Variants in CEP128 observed in about 807,000 individuals in gnomAD.
CEP128 encodes centrosomal protein 128kDa.
Under a neutral mutation model 156.7 loss-of-function variants are expected in CEP128, and 132 were observed. The observed-to-expected ratio is 0.84, with a 90% CI of 0.73 to 0.97. CEP128 has a LOEUF of 0.97. Ranked by LOEUF, CEP128 falls within the 50% of genes least tolerant of loss-of-function variation. CEP128 has a pLI of 0.00. For synonymous variants in CEP128, 469 were observed against 448.9 expected (o/e 1.04, Z -0.57); for missense variants, 1,252 against 1,281.9 (o/e 0.98, Z 0.36).
chr14:80,512,233 C>T (rs979432438), intron 23 of CEP128, among the ~76,000 whole-genome samples: 5 of 151,940 alleles, frequency 3.3e-5, no homozygotes, highest in Admixed American at 1.3e-4. Flanking sequence ...ATAATATTGG[C>T]TTTATATATC....
chr14:80,938,919 A>G (rs1885990439), intron 2 of CEP128, among the ~76,000 whole-genome samples: 1 of 152,242 alleles, frequency 6.6e-6, no homozygotes, highest in African/African-American at 2.4e-5. Context: ...GAGGGCACTT[A>G]TAAACAGCAA....
intron 19 of CEP128, among the ~76,000 whole-genome samples, chr14:80,703,027 G>A (rs1897126673): frequency 6.6e-6 from 1 of 152,038 alleles, no homozygotes; most frequent in African/African-American, 2.4e-5. Context: ...TAAATTTGGA[G>A]AGAATGGAAC....
chr14:80,665,030 T>C (rs1181233382), intron 19 of CEP128, among the ~76,000 whole-genome samples: 3 of 152,228 alleles, frequency 2.0e-5, no homozygotes, highest in Non-Finnish European at 4.4e-5. Context: ...ACTTTAATTA[T>C]TAAACATTCT....
chr14:80,825,883 G>A (rs770144430), intron 13 of CEP128, among the ~76,000 whole-genome samples: 42 of 152,154 alleles, frequency 2.8e-4, no homozygotes, highest in Middle Eastern at 3.4e-3. Flanking sequence ...CAAGACGGGC[G>A]GATCATGAGG....
intron 19 of CEP128, among the ~76,000 whole-genome samples, chr14:80,657,019 G>A (rs372680316): frequency 6.6e-6 from 1 of 152,124 alleles, no homozygotes; most frequent in East Asian, 1.9e-4. Flanking sequence ...CAGCACTTTG[G>A]GAAGCCAAGG....
intron 13 of CEP128, among the ~76,000 whole-genome samples, chr14:80,814,324 T>C (rs1884725766): frequency 6.6e-6 from 1 of 152,150 alleles, no homozygotes; most frequent in South Asian, 2.1e-4. Flanking sequence ...CATATATCTC[T>C]TATGAACTTT....
At chr14:80,832,183 G>T (rs377462098) in intron 12 of CEP128, among the ~76,000 whole-genome samples, 1 of 152,116 alleles carries the variant, frequency 6.6e-6, no homozygotes, top group Non-Finnish European at 1.5e-5. Context: ...CTCCAGCCAC[G>T]TGGAACTGTG....
At chr14:80,591,942 AG>A (rs1217054413) in intron 19 of CEP128, among the ~76,000 whole-genome samples, 3 of 152,274 alleles carry the variant, frequency 2.0e-5, no homozygotes, top group African/African-American at 7.2e-5. Flanking sequence ...GAAATAAAAA[AG>A]TTGTTTGAAA....
chr14:80,915,494 T>C (rs1246281782), intron 3 of CEP128, among the ~76,000 whole-genome samples: 1 of 152,236 alleles, frequency 6.6e-6, no homozygotes, highest in Non-Finnish European at 1.5e-5. Flanking sequence ...GATTAATGCG[T>C]AGGAAATACC....
At chr14:80,629,975 G>A (rs945521812) in intron 19 of CEP128, among the ~76,000 whole-genome samples, 1 of 151,932 alleles carries the variant, frequency 6.6e-6, no homozygotes, top group African/African-American at 2.4e-5. Flanking sequence ...ATGAATTCAT[G>A]TAGCTTGTAA....
intron 3 of CEP128, among the ~76,000 whole-genome samples, chr14:80,915,629 A>G (rs1193351600): frequency 6.6e-6 from 1 of 152,150 alleles, no homozygotes; most frequent in Non-Finnish European, 1.5e-5. Flanking sequence ...TACTAGCAAA[A>G]ATTAGCCTCT....
chr14:80,710,730 A>G (rs1261823556), intron 19 of CEP128, among the ~76,000 whole-genome samples: 1 of 152,104 alleles, frequency 6.6e-6, no homozygotes, highest in Non-Finnish European at 1.5e-5. Flanking sequence ...TAGTATGTGC[A>G]TTCTATTGAC....
At chr14:80,811,704 T>C (rs1195864582) in intron 13 of CEP128, among the ~76,000 whole-genome samples, 1 of 127,846 alleles carries the variant, frequency 7.8e-6, no homozygotes, top group Non-Finnish European at 1.5e-5. Context: ...TGTGTGTGTG[T>C]TTGAGAGTGT....
chr14:80,773,623 A>C (rs1484814851), intron 16 of CEP128, among the ~76,000 whole-genome samples: 1 of 152,178 alleles, frequency 6.6e-6, no homozygotes, highest in East Asian at 1.9e-4. Flanking sequence ...ATCCATATAG[A>C]TCAGGCATTT....
chr14:80,527,646 AC>A (rs1368480923), intron 22 of CEP128, among the ~76,000 whole-genome samples: 5 of 152,216 alleles, frequency 3.3e-5, no homozygotes, highest in Non-Finnish European at 7.3e-5. Context: ...GATGCTGTGT[AC>A]TATCACTTGC....
At chr14:80,900,822 T>TA (rs1418554166) in intron 6 of CEP128, among the ~76,000 whole-genome samples, 4 of 152,110 alleles carry the variant, frequency 2.6e-5, no homozygotes, top group African/African-American at 7.2e-5. Flanking sequence ...ATTAAAAAAG[T>TA]AAAAAAATTG....
chr14:80,729,619 T>C (rs1898188740), intron 19 of CEP128, among the ~76,000 whole-genome samples: 2 of 152,176 alleles, frequency 1.3e-5, no homozygotes, highest in African/African-American at 4.8e-5. Flanking sequence ...TTGTTTTTTA[T>C]TGTGGTTGTA....
intron 13 of CEP128, among the ~76,000 whole-genome samples, chr14:80,817,101 G>A (rs1414485288): frequency 6.6e-6 from 1 of 152,034 alleles, no homozygotes; most frequent in Non-Finnish European, 1.5e-5. Context: ...CCCAGTTAAA[G>A]CTATAGTTAT....
intron 13 of CEP128, among the ~76,000 whole-genome samples, chr14:80,819,339 C>A (rs573234425): frequency 6.6e-6 from 1 of 150,542 alleles, no homozygotes; most frequent in South Asian, 2.1e-4. Flanking sequence ...CTCCGTCTCC[C>A]GGGTTCATGC....
Sources: gnomAD v4.1 joint callset for allele counts (sites outside exome capture counted in the v4.1 genomes callset) on GRCh38, gnomAD v4.1.1 for gene constraint, MANE v1.5 for transcripts, NCBI Gene and HGNC (gene_info 2026-07-23, HGNC 2026-07-21) for gene names.